PAK5: variants seen among roughly 807,000 people sequenced by gnomAD.
PAK5 encodes the protein p21 (RAC1) activated kinase 5.
A neutral mutation model predicts 65.9 loss-of-function variants in PAK5; 16 were observed. The observed-to-expected ratio is 0.24, with a 90% CI of 0.16 to 0.37. PAK5 has a LOEUF of 0.37. PAK5 is among the 10% of genes least tolerant of loss of function. The probability of loss-of-function intolerance (pLI) is 1.00; values close to 1 mark genes in which losing one functional copy is unlikely to be tolerated. For missense variants in PAK5, 785 were observed against 903.9 expected (o/e 0.87, Z 1.69); for synonymous variants, 371 against 354.9 (o/e 1.05, Z -0.51).
At chr20:9,715,957 A>T (rs973126953) in intron 1 of PAK5, among the ~76,000 whole-genome samples, 1 of 152,086 alleles carries the variant, frequency 6.6e-6, no homozygotes, top group African/African-American at 2.4e-5. Context: ...ATGATGAGTT[A>T]ATGGATGCAG....
At chr20:9,737,900 T>C (rs1197505731) in intron 1 of PAK5, among the ~76,000 whole-genome samples, 2 of 151,980 alleles carry the variant, frequency 1.3e-5, no homozygotes, top group Non-Finnish European at 2.9e-5. Flanking sequence ...CCCAGCACTT[T>C]GGGAGGCCGA....
At chr20:9,730,014 AG>A (rs33937480) in intron 1 of PAK5, among the ~76,000 whole-genome samples, 58,415 of 107,876 alleles carry the variant, frequency 0.54, 16,635 homozygotes, top group East Asian at 0.78. Context: ...AAAAAAAAAA[AG>A]AGAGAGAGAG....
At chr20:9,805,796 T>C (rs1221883825) in intron 1 of PAK5, among the ~76,000 whole-genome samples, 1 of 152,216 alleles carries the variant, frequency 6.6e-6, no homozygotes, top group Admixed American at 6.6e-5. Flanking sequence ...ATAGAAAATG[T>C]TCTAAAATTA....
chr20:9,670,955 G>T (rs138093343), intron 2 of PAK5, among the ~76,000 whole-genome samples: 1 of 152,120 alleles, frequency 6.6e-6, no homozygotes. Flanking sequence ...TTTGTATAAG[G>T]TGTAAGGAAG....
At chr20:9,607,596 G>A (rs1407658549) in intron 3 of PAK5, among the ~76,000 whole-genome samples, 1 of 152,158 alleles carries the variant, frequency 6.6e-6, no homozygotes, top group African/African-American at 2.4e-5. Flanking sequence ...GGAGGCCAAG[G>A]TGGGAGGATC....
intron 2 of PAK5, among the ~76,000 whole-genome samples, chr20:9,646,626 C>T (rs1477231368): frequency 6.6e-6 from 1 of 152,170 alleles, no homozygotes; most frequent in Non-Finnish European, 1.5e-5. Flanking sequence ...TTCATTCTTC[C>T]TGGTATCCAT....
At chr20:9,662,648 C>G (rs549022398) in intron 2 of PAK5, among the ~76,000 whole-genome samples, 27 of 152,130 alleles carry the variant, frequency 1.8e-4, no homozygotes, top group Non-Finnish European at 2.9e-5. Context: ...GGAGGAAATC[C>G]ACTTGCTGAC....
rs2045195850 is a variant in PAK5 at position 9,537,885 on chromosome 20, A to T, written c.*1577T>A. On this transcript the variant is annotated 3_prime_UTR_variant, in exon 10 of 10. Transcript: ENST00000353224. ...TCATTTTATGCCTTTTTTCCTTTTT[A>T]GCAGTGATAAATAATTAGCAACCTA... 1 of 228,688 alleles carries T rather than the reference A, an allele frequency of 4.4e-6. No homozygotes were observed. The highest frequency in any genetic ancestry group is 8.7e-6 in the Non-Finnish European group (1 of 115,142). The allele number at this position is 228,688 out of a possible 1,614,324, so 14.2% of individuals were successfully genotyped here.
At position 9,539,305 on chromosome 20, in the gene PAK5, G is replaced by T; in HGVS notation, c.*157C>A. Reference sequence around the variant, plus strand: ...GAGATGCCTGTTTAAGACACAAGAAGATGCCCTGGTCTGTTGAACCCTGCC... The same window carrying T: ...GAGATGCCTGTTTAAGACACAAGAATATGCCCTGGTCTGTTGAACCCTGCC... On this transcript the variant is annotated 3_prime_UTR_variant, in exon 10 of 10. Coordinates refer to ENST00000353224, the MANE Select transcript of PAK5 (RefSeq NM_177990.4). 1 of 664,714 alleles carries T rather than the reference G, an allele frequency of 1.5e-6. No individual in the cohort carries two copies. Among genetic ancestry groups the T allele is most frequent in the Admixed American group, 2.3e-5 (1 of 42,846 alleles). The allele number at this position is 664,714 out of a possible 1,614,324, so 41.2% of individuals were successfully genotyped here.
chr20:9,801,392 T>G (rs1292373662), intron 1 of PAK5, among the ~76,000 whole-genome samples: 1 of 151,614 alleles, frequency 6.6e-6, no homozygotes, highest in Admixed American at 6.6e-5. Flanking sequence ...TTTTCCCAAG[T>G]GACTAATAAA....
chr20:9,788,280 T>C lies in PAK5; in HGVS notation c.-162+50482A>G, dbSNP rs572900704. On this transcript the variant is annotated intron_variant, in intron 1 of 9. Transcript: ENST00000353224. ...TAACAAGGCAAGAACCTATCATTGA[T>C]GAGTGTTTGGTCACACTAGATGCCT... 2.0e-5 allele frequency among the ~76,000 whole-genome samples: 3 copies of C among 152,136 alleles called. No homozygotes were observed. In the South Asian group the frequency reaches 6.2e-4, roughly 32 times the overall value.
chr20:9,818,695 G>A (rs542922937), intron 1 of PAK5: 3 of 152,074 alleles, frequency 2.0e-5, no homozygotes, highest in African/African-American at 4.8e-5. Flanking sequence ...AATATTCCAC[G>A]GAAAACACTA....
chr20:9,672,851 C>A lies in PAK5; in HGVS notation c.-11-28512G>T, dbSNP rs2047519149. Among the ~76,000 whole-genome samples the A allele has an allele frequency of 2.0e-5, 3 of 152,118 alleles. No individual in the cohort carries two copies. In the South Asian group the frequency reaches 6.2e-4, roughly 32 times the overall value. ...TAGATACAAATAGATGGCTCTTGAA[C>A]AGTAGTCTGCATTTGGTAATTCTTG... On this transcript the variant is annotated intron_variant, in intron 2 of 9. Transcript: ENST00000353224.
chr20:9,566,392 G>A lies in PAK5; in HGVS notation c.991-8C>T, dbSNP rs2123003010. On this transcript the variant is annotated splice_region_variant and splice_polypyrimidine_tract_variant and intron_variant, in intron 4 of 9. Coordinates refer to ENST00000353224, the MANE Select transcript of PAK5 (RefSeq NM_177990.4). ...TGCTCGATCGTAATCCACCTGGGAA[G>A]ACAGACATGGATAGAGAATATTCAC... 1 of 1,610,720 alleles carries A rather than the reference G, an allele frequency of 6.2e-7. No homozygotes were observed. The highest frequency in any genetic ancestry group is 1.1e-5 in the South Asian group (1 of 90,868).
At chr20:9,682,600 C>T (rs905117608) in intron 2 of PAK5, among the ~76,000 whole-genome samples, 11 of 152,152 alleles carry the variant, frequency 7.2e-5, no homozygotes, top group African/African-American at 2.7e-4. Context: ...GGAATTACAA[C>T]TTGAATATTA....
intron 1 of PAK5, among the ~76,000 whole-genome samples, chr20:9,718,228 G>A: frequency 6.6e-6 from 1 of 151,762 alleles, no homozygotes. Context: ...TATATAAAAC[G>A]GAAGGAAGAT....
rs766880332 is a variant in PAK5, at chr20:9,580,263, C to T, written c.872G>A (p.Gly291Glu). The T allele has an allele frequency of 8.1e-6, 13 of 1,614,152 alleles. No individual in the cohort carries two copies. The South Asian group carries it at 1.4e-4, about 18-fold the overall frequency. The change falls in exon 4 of 10, where the codon GGA becomes GAA. Residue 291 changes from glycine (G) to glutamate (E), a missense_variant. Around this residue, in one of 4 missense-constraint regions of PAK5, gnomAD observed 422 missense variants for 413.3 expected, o/e 1.02. Coordinates refer to ENST00000353224, the MANE Select transcript of PAK5 (RefSeq NM_177990.4). ...TMRQRSRSGS[G>E]LQEPMMPFGA... is the part of the protein sequence containing the mutation. Reference sequence around the variant, plus strand: ...AAATGGCATCATCGGTTCCTGGAGTCCCGAGCCTGACCTGGACCTCTGCCG... The same window carrying T: ...AAATGGCATCATCGGTTCCTGGAGTTCCGAGCCTGACCTGGACCTCTGCCG...
At chr20:9,751,948 C>T (rs2048581938) in intron 1 of PAK5, among the ~76,000 whole-genome samples, 1 of 152,118 alleles carries the variant, frequency 6.6e-6, no homozygotes, top group African/African-American at 2.4e-5. Context: ...TAATCAGACG[C>T]TGTGTTTTTC....
chr20:9,653,105 A>G (rs1261099636), intron 2 of PAK5, among the ~76,000 whole-genome samples: 1 of 152,186 alleles, frequency 6.6e-6, no homozygotes, highest in Non-Finnish European at 1.5e-5. Flanking sequence ...GCAATATCCA[A>G]TATCCAGTAT....
Sources: allele counts gnomAD v4.1 joint callset (sites outside exome capture counted in the v4.1 genomes callset), GRCh38; gene constraint gnomAD v4.1.1; regional missense constraint gnomAD v4.1.1; transcripts MANE v1.5; gene names NCBI Gene and HGNC (gene_info 2026-07-23, HGNC 2026-07-21).